NCAM2: variants seen among roughly 807,000 people sequenced by gnomAD.
NCAM2 encodes N-CAM-2.
Under a neutral mutation model 98.1 loss-of-function variants are expected in NCAM2, and 30 were observed. That is an observed-to-expected ratio of 0.31 (90% CI 0.23 to 0.41). The LOEUF (loss-of-function observed/expected upper bound fraction) is 0.41. NCAM2 is among the 10% of genes least tolerant of loss of function. The pLI is 1.00. For synonymous variants in NCAM2, 368 were observed against 342.4 expected (o/e 1.07, Z -0.83); for missense variants, 867 against 1,005.8 (o/e 0.86, Z 1.87).
chr21:21,006,796 T>C (rs1156524159), intron 1 of NCAM2, among the ~76,000 whole-genome samples: 1 of 152,112 alleles, frequency 6.6e-6, no homozygotes, highest in East Asian at 1.9e-4. Flanking sequence ...AAAATGATGT[T>C]TGTTTTTTGT....
chr21:21,373,007 T>C (rs2075954297), intron 8 of NCAM2, among the ~76,000 whole-genome samples: 1 of 151,858 alleles, frequency 6.6e-6, no homozygotes, highest in Non-Finnish European at 1.5e-5. Context: ...TTATTAATAA[T>C]GTATTTTGTT....
At chr21:21,242,090 T>G (rs527973352) in intron 1 of NCAM2, among the ~76,000 whole-genome samples, 1 of 152,304 alleles carries the variant, frequency 6.6e-6, no homozygotes, top group African/African-American at 2.4e-5. Flanking sequence ...TTACATTAAG[T>G]GGTGAAATAC....
In NCAM2 at chr21:21,043,864, AAAAG is replaced by A. The variant is rs2064956875; in HGVS notation, c.55+45250_55+45253del. On this transcript the variant is annotated intron_variant, in intron 1 of 17. Transcript: ENST00000400546. Reference sequence around the variant, plus strand: ...TGAGACTCCGTCAAAAAAAAAAAAAAAAAGAAAAAAGAAAGTAGATATGTGAATC... The same window carrying A: ...TGAGACTCCGTCAAAAAAAAAAAAAAAAAAAAGAAAGTAGATATGTGAATC... 2.6e-5 allele frequency among the ~76,000 whole-genome samples: 4 copies of A among 151,418 alleles called. No individual in the cohort carries two copies. In the East Asian group the frequency reaches 7.7e-4, roughly 29 times the overall value.
At chr21:21,435,567 A>G (rs1306782646) in intron 12 of NCAM2, among the ~76,000 whole-genome samples, 1 of 152,182 alleles carries the variant, frequency 6.6e-6, no homozygotes, top group African/African-American at 2.4e-5. Flanking sequence ...TTGCAAACCC[A>G]GTTTAACATC....
At chr21:21,286,201 T>C (rs1601867737) in intron 3 of NCAM2, 68 bp from the exon 4 acceptor site, 2 of 1,459,640 alleles carry the variant, frequency 1.4e-6, no homozygotes, top group East Asian at 5.0e-5. Flanking sequence ...GATTATGTTA[T>C]TGGGAGAAAT....
chr21:21,412,574 A>G (rs1207281157), intron 10 of NCAM2, among the ~76,000 whole-genome samples: 2 of 152,174 alleles, frequency 1.3e-5, no homozygotes, highest in Non-Finnish European at 2.9e-5. Context: ...AACATAGTAT[A>G]TAGTGTATGC....
At chr21:21,318,606 G>A (rs1301027212) in intron 5 of NCAM2, among the ~76,000 whole-genome samples, 1 of 152,044 alleles carries the variant, frequency 6.6e-6, no homozygotes, top group East Asian at 1.9e-4. Flanking sequence ...ATAGAAAATT[G>A]TATAATGTCT....
At chr21:21,374,039 A>T (rs1263856794) in intron 9 of NCAM2, 26 bp downstream of exon 9, 2 of 1,591,190 alleles carry the variant, frequency 1.3e-6, no homozygotes, top group Non-Finnish European at 1.7e-6. Context: ...TTGTATTTTC[A>T]TTAAAATAAC....
chr21:21,217,752 T>C (rs1436755693), intron 1 of NCAM2, among the ~76,000 whole-genome samples: 2 of 152,086 alleles, frequency 1.3e-5, no homozygotes, highest in Non-Finnish European at 2.9e-5. Flanking sequence ...GTCAGATAAA[T>C]GCCTCAAAAA....
At chr21:21,272,497 T>TGCGC (rs201869091) in intron 1 of NCAM2, among the ~76,000 whole-genome samples, 24,925 of 144,540 alleles carry the variant, frequency 0.17, 2,163 homozygotes, top group Middle Eastern at 0.19. Context: ...TACACACACA[T>TGCGC]GCGCGCGCGC....
chr21:21,189,420 G>C (rs1204008779), intron 1 of NCAM2, among the ~76,000 whole-genome samples: 1 of 152,148 alleles, frequency 6.6e-6, no homozygotes, highest in Admixed American at 6.5e-5. Flanking sequence ...GGATTAATAA[G>C]TGAATGTTAA....
At chr21:21,142,190 A>G (rs1173888836) in intron 1 of NCAM2, among the ~76,000 whole-genome samples, 1 of 152,198 alleles carries the variant, frequency 6.6e-6, no homozygotes, top group East Asian at 1.9e-4. Flanking sequence ...TATGAATACT[A>G]TAAACATTTG....
At chr21:21,303,561 A>G (rs1214164265) in intron 5 of NCAM2, among the ~76,000 whole-genome samples, 1 of 152,140 alleles carries the variant, frequency 6.6e-6, no homozygotes. Flanking sequence ...TGGCTTACAA[A>G]TATATACATA....
intron 1 of NCAM2, among the ~76,000 whole-genome samples, chr21:21,218,195 G>A (rs2069985834): frequency 6.6e-6 from 1 of 152,186 alleles, no homozygotes; most frequent in Non-Finnish European, 1.5e-5. Flanking sequence ...GGCTTACTTG[G>A]ACTTGTGAGC....
intron 1 of NCAM2, among the ~76,000 whole-genome samples, chr21:21,243,521 C>T (rs900726833): frequency 2.0e-5 from 3 of 152,112 alleles, no homozygotes; most frequent in African/African-American, 4.8e-5. Context: ...TAAGAGATGT[C>T]GAGAAGGAAG....
At chr21:21,535,630 C>T (rs1989941988) in intron 17 of NCAM2, among the ~76,000 whole-genome samples, 3 of 151,922 alleles carry the variant, frequency 2.0e-5, no homozygotes, top group African/African-American at 7.2e-5. Flanking sequence ...ATCCTCGGGC[C>T]AATTTTAGTG....
chr21:21,526,623 A>T (rs1989337084), intron 16 of NCAM2, among the ~76,000 whole-genome samples: 1 of 152,140 alleles, frequency 6.6e-6, no homozygotes, highest in Admixed American at 6.5e-5. Context: ...TGACAAATTG[A>T]TTCTAAAGTT....
intron 1 of NCAM2, among the ~76,000 whole-genome samples, chr21:21,173,102 G>A (rs1449089095): frequency 1.3e-5 from 2 of 152,226 alleles, no homozygotes; most frequent in Middle Eastern, 3.4e-3. Flanking sequence ...TATGCCTGAA[G>A]CATAGAGGGT....
rs564367636 is a variant in NCAM2, at chr21:21,425,008, C to T, written c.1480+6439C>T. On this transcript the variant is annotated intron_variant, in intron 11 of 17. Coordinates refer to ENST00000400546, the MANE Select transcript of NCAM2 (RefSeq NM_004540.5). ...CTGAGATCACACCATTACACTCTAG[C>T]CTGGGCGACAAAAGCGGGACTCTTC... Among the ~76,000 whole-genome samples the T allele has an allele frequency of 1.3e-3, 178 of 133,680 alleles. 1 individual carries two copies. Among genetic ancestry groups the T allele is most frequent in the African/African-American group, 4.9e-3 (172 of 35,392 alleles). The allele number at this position is 133,680 out of a possible 152,430, so 87.7% of individuals were successfully genotyped here.
Sources: gnomAD v4.1 joint callset for allele counts (sites outside exome capture counted in the v4.1 genomes callset) on GRCh38, gnomAD v4.1.1 for gene constraint, MANE v1.5 for transcripts, NCBI Gene and HGNC (gene_info 2026-07-23, HGNC 2026-07-21) for gene names.